TRIO: variants seen among roughly 807,000 people sequenced by gnomAD.
TRIO encodes the protein triple functional domain protein.
In TRIO, 58 loss-of-function variants were observed where a neutral mutation model predicts 351.9. That is an observed-to-expected ratio of 0.16 (90% CI 0.13 to 0.21). The LOEUF is 0.21. Among genes scored for constraint, TRIO ranks in the 10% least tolerant of loss-of-function variants. The pLI is 1.00. For synonymous variants in TRIO, 1,758 were observed against 1,595.7 expected (o/e 1.10, Z -2.42); for missense variants, 3,201 against 4,027.8 (o/e 0.79, Z 5.56).
At chr5:14,273,049 C>T (rs189685658) in intron 2 of TRIO, among the ~76,000 whole-genome samples, 73 of 152,234 alleles carry the variant, frequency 4.8e-4, no homozygotes, top group Middle Eastern at 3.4e-3. Flanking sequence ...ACCACTAATT[C>T]CAGAACCTTT....
chr5:14,381,567 T>A (rs1433851997), intron 21 of TRIO, among the ~76,000 whole-genome samples: 15 of 152,218 alleles, frequency 9.9e-5, no homozygotes, highest in Admixed American at 1.3e-4. Context: ...TCTGAGGACT[T>A]GCTATTTTTA....
chr5:14,299,801 G>A (rs1385541634), intron 7 of TRIO, among the ~76,000 whole-genome samples: 2 of 152,166 alleles, frequency 1.3e-5, no homozygotes, highest in African/African-American at 2.4e-5. Context: ...TGATTAGGGG[G>A]ACATAAGGCT....
At chr5:14,488,886 G>GCTGGGGC in intron 48 of TRIO, 1 of 743,362 alleles carries the variant, frequency 1.3e-6, no homozygotes, top group South Asian at 1.4e-5. Flanking sequence ...TGCAGTGCAG[G>GCTGGGGC]CTGGGGCCGG....
intron 4 of TRIO, among the ~76,000 whole-genome samples, chr5:14,288,844 C>CT (rs1736671275): frequency 6.6e-6 from 1 of 152,200 alleles, no homozygotes; most frequent in African/African-American, 2.4e-5. Context: ...GGTCACAACT[C>CT]TTTCTCCTTC....
At chr5:14,382,109 A>G (rs1212381625) in intron 21 of TRIO, among the ~76,000 whole-genome samples, 1 of 152,166 alleles carries the variant, frequency 6.6e-6, no homozygotes, top group Non-Finnish European at 1.5e-5. Flanking sequence ...GAGTTTTTGG[A>G]AAAATCTGAC....
chr5:14,339,249 A>G (rs1236931012), intron 11 of TRIO, among the ~76,000 whole-genome samples: 1 of 152,132 alleles, frequency 6.6e-6, no homozygotes, highest in Non-Finnish European at 1.5e-5. Context: ...ACACAGAAAC[A>G]AAGCTCTTGT....
At chr5:14,368,252 A>G (rs1036474196) in intron 16 of TRIO, among the ~76,000 whole-genome samples, 4 of 152,234 alleles carry the variant, frequency 2.6e-5, no homozygotes, top group Non-Finnish European at 5.9e-5. Context: ...ATAGTTCTTG[A>G]AAACTTTTCA....
intron 34 of TRIO, among the ~76,000 whole-genome samples, chr5:14,454,685 G>C (rs1393372054): frequency 6.6e-6 from 1 of 152,230 alleles, no homozygotes; most frequent in Non-Finnish European, 1.5e-5. Flanking sequence ...GAAACAACCA[G>C]ACATGGTGCC....
intron 1 of TRIO, among the ~76,000 whole-genome samples, chr5:14,153,300 C>A (rs1351857633): frequency 6.6e-6 from 1 of 152,200 alleles, no homozygotes; most frequent in Non-Finnish European, 1.5e-5. Flanking sequence ...AGGCCAGGAC[C>A]CCTGTCACGT....
chr5:14,221,811 G>A (rs1792645978), intron 1 of TRIO, among the ~76,000 whole-genome samples: 1 of 152,232 alleles, frequency 6.6e-6, no homozygotes, highest in Non-Finnish European at 1.5e-5. Flanking sequence ...TGGTTGAAGT[G>A]ACAACAAAGG....
chr5:14,348,427 A>G (rs1383334741), intron 11 of TRIO, among the ~76,000 whole-genome samples: 2 of 152,260 alleles, frequency 1.3e-5, no homozygotes, highest in East Asian at 1.9e-4. Flanking sequence ...ATTTATTTCT[A>G]CTAAAAACAT....
intron 37 of TRIO, chr5:14,466,051 G>T (rs933364319): frequency 4.7e-6 from 1 of 214,034 alleles, no homozygotes; most frequent in Non-Finnish European, 9.8e-6. Context: ...ACTGCTCTGT[G>T]TGGCTGACCT....
intron 11 of TRIO, among the ~76,000 whole-genome samples, chr5:14,343,755 G>C (rs1042443835): frequency 6.6e-6 from 1 of 152,188 alleles, no homozygotes; most frequent in Non-Finnish European, 1.5e-5. Flanking sequence ...CGTGAACATG[G>C]TTTTCATTTC....
At chr5:14,329,656 C>T (rs928172167) in intron 9 of TRIO, among the ~76,000 whole-genome samples, 9 of 152,174 alleles carry the variant, frequency 5.9e-5, no homozygotes, top group Non-Finnish European at 1.3e-4. Flanking sequence ...ATGAGTGAAC[C>T]TTCAATACTA....
chr5:14,193,364 C>CAT (rs1336084613), intron 1 of TRIO, among the ~76,000 whole-genome samples: 1 of 152,114 alleles, frequency 6.6e-6, no homozygotes, highest in East Asian at 1.9e-4. Flanking sequence ...AATTTAAATG[C>CAT]TTATTTGAGG....
intron 1 of TRIO, among the ~76,000 whole-genome samples, chr5:14,230,373 T>A (rs1345845327): frequency 8.0e-6 from 1 of 125,686 alleles, no homozygotes; most frequent in Admixed American, 8.0e-5. Flanking sequence ...TGTGTGTGTG[T>A]GTTGGGTGAT....
chr5:14,256,446 A>G (rs6890768), intron 1 of TRIO, among the ~76,000 whole-genome samples: 16,100 of 152,276 alleles, frequency 0.11, 1,085 homozygotes, highest in African/African-American at 0.18. Flanking sequence ...GGTTACGTCT[A>G]GAGCCAGGGA....
At chr5:14,168,455 A>C (rs1182481632) in intron 1 of TRIO, among the ~76,000 whole-genome samples, 1 of 152,258 alleles carries the variant, frequency 6.6e-6, no homozygotes, top group Non-Finnish European at 1.5e-5. Flanking sequence ...CTATTGGCCA[A>C]CAGAATGAGA....
intron 34 of TRIO, among the ~76,000 whole-genome samples, chr5:14,443,549 A>G (rs907654128): frequency 1.3e-5 from 2 of 152,244 alleles, no homozygotes; most frequent in Non-Finnish European, 2.9e-5. Context: ...TGCCCATGAA[A>G]TCACTGAGTG....
Sources: allele counts gnomAD v4.1 joint callset (sites outside exome capture counted in the v4.1 genomes callset), GRCh38; gene constraint gnomAD v4.1.1; transcripts MANE v1.5; gene names NCBI Gene and HGNC (gene_info 2026-07-23, HGNC 2026-07-21).